The following PRR5 variants were observed in gnomAD, a reference collection of about 807,000 sequenced individuals.
PRR5 encodes the protein proline rich 5.
A neutral mutation model predicts 30.6 loss-of-function variants in PRR5; 25 were observed. The observed-to-expected ratio is 0.82, with a 90% CI of 0.60 to 1.14. PRR5 has a LOEUF of 1.14. PRR5 is among the 50% of genes most tolerant of loss of function. PRR5 has a pLI of 0.00. For synonymous variants in PRR5, 286 were observed against 247.1 expected (o/e 1.16, Z -1.48); for missense variants, 600 against 547.1 (o/e 1.10, Z -0.96).
At chr22:44,671,328 G>A (rs1384323971) in intron 1 of PRR5, among the ~76,000 whole-genome samples, 1 of 152,216 alleles carries the variant, frequency 6.6e-6, no homozygotes, top group East Asian at 1.9e-4. Flanking sequence ...GCTTCTTGGT[G>A]ACAAGACAGC....
At chr22:44,685,619 C>CAG in intron 1 of PRR5, among the ~76,000 whole-genome samples, 1 of 152,136 alleles carries the variant, frequency 6.6e-6, no homozygotes, top group Non-Finnish European at 1.5e-5. Context: ...AAGCCACACC[C>CAG]CTCTCCCCAG....
At position 44,737,298 on chromosome 22, in the gene PRR5, G is replaced by A; in HGVS notation, c.*51G>A. 16 of 1,548,288 alleles carry A rather than the reference G, an allele frequency of 1.0e-5. No individual in the cohort carries two copies. Among genetic ancestry groups the A allele is most frequent in the Non-Finnish European group, 1.4e-5 (16 of 1,144,360 alleles). On this transcript the variant is annotated 3_prime_UTR_variant, in exon 8 of 8. Transcript: ENST00000336985. The stretch of plus-strand genomic sequence containing the variant: ...TACTGACACGTCCCTGTGTGCGGGG[G>A]TGTCCATGTGGCGTGTGTGTGAGTG...
chr22:44,674,728 A>G (rs1161382530), upstream of PRR5, among the ~76,000 whole-genome samples: 8 of 150,916 alleles, frequency 5.3e-5, no homozygotes, highest in South Asian at 4.2e-4. Flanking sequence ...AAAAAAAAAG[A>G]AAAAAAAATA....
At position 44,702,523 on chromosome 22, in the gene PRR5, G is replaced by A. The variant is rs1460779160; in HGVS notation, c.49G>A (p.Asp17Asn). ...LKFMSSPSLS[D>N]LGKREPAAAA... is the part of the protein sequence containing the mutation. Reference sequence around the variant, plus strand: ...GTTCATGAGTTCGCCCAGCCTCAGTGACCTGGGCAAGAGAGAGCCGGCCGC... The same window carrying A: ...GTTCATGAGTTCGCCCAGCCTCAGTAACCTGGGCAAGAGAGAGCCGGCCGC... The change falls in exon 1 of 8, where the codon GAC (aspartate) becomes AAC (asparagine). Residue 17 changes from aspartate to asparagine, a missense_variant. Physicochemically the swap from Asp to Asn is conservative, Grantham distance 23 (BLOSUM62 1). Transcript: ENST00000336985. The A allele has an allele frequency of 8.8e-6, 13 of 1,473,218 alleles. No homozygotes were observed. The highest frequency in any genetic ancestry group is 1.1e-5 in the Non-Finnish European group (12 of 1,111,048). 91.3% of individuals were successfully genotyped at this position (1,473,218 alleles called of 1,614,324 possible).
intron 2 of PRR5, among the ~76,000 whole-genome samples, chr22:44,723,116 G>T (rs1247312745): frequency 6.6e-6 from 1 of 151,894 alleles, no homozygotes; most frequent in East Asian, 2.0e-4. Flanking sequence ...CTCCCGAGGA[G>T]CTGAGATTAT....
At chr22:44,674,733 A>G (rs1443992447), upstream of PRR5, among the ~76,000 whole-genome samples, 3 of 151,478 alleles carry the variant, frequency 2.0e-5, no homozygotes, top group South Asian at 2.1e-4. Context: ...AAAAGAAAAA[A>G]AAATAGTTCA....
At chr22:44,715,522 G>A (rs111285921) in intron 2 of PRR5, among the ~76,000 whole-genome samples, 1 of 152,156 alleles carries the variant, frequency 6.6e-6, no homozygotes, top group African/African-American at 2.4e-5. Context: ...CATGCCGCTT[G>A]TTCAGGGTGT....
In PRR5 at chr22:44,695,915, T is replaced by G. The variant is rs563857677; in HGVS notation, c.-10-6577T>G. The stretch of plus-strand genomic sequence containing the variant: ...TAAACACAAGTGATTCCATTTTGAT[T>G]CTGACAACTTTTTTTTTTTTTTTTT... On this transcript the variant is annotated intron_variant, in intron 1 of 8. Transcript: ENST00000006251. 2.8e-3 allele frequency among the ~76,000 whole-genome samples: 388 copies of G among 138,474 alleles called. 2 individuals are homozygous for G. The highest frequency in any genetic ancestry group is 9.7e-3 in the African/African-American group (366 of 37,924). The allele number at this position is 138,474 out of a possible 152,430, so 90.8% of individuals were successfully genotyped here.
chr22:44,720,784 T>C (rs6006857), intron 2 of PRR5, among the ~76,000 whole-genome samples: 41,569 of 152,048 alleles, frequency 0.27, 6,019 homozygotes, highest in South Asian at 0.4. Context: ...CAGCCAGTGA[T>C]GCCCCTCACC....
chr22:44,688,487 G>A (rs1249914095), intron 1 of PRR5, among the ~76,000 whole-genome samples: 1 of 152,200 alleles, frequency 6.6e-6, no homozygotes, highest in Non-Finnish European at 1.5e-5. Flanking sequence ...GACTGCTTAG[G>A]CTTGGAACCC....
At position 44,714,705 on chromosome 22, in the gene PRR5, T is replaced by C. The variant is rs201668286; in HGVS notation, c.215+34T>C. 804 of 1,611,946 alleles carry C rather than the reference T, an allele frequency of 5.0e-4. 1 individual carries two copies. In the African/African-American group the frequency reaches 9.3e-3, roughly 19 times the overall value. On this transcript the variant is annotated intron_variant, in intron 2 of 7. Transcript: ENST00000336985. ...CTGTCCCACCTTGGTCCAGGGTCCT[T>C]GAGTGGCAGGGAGGGCTAGGCCCAG...
At chr22:44,697,713 C>T (rs1432555382), upstream of PRR5, among the ~76,000 whole-genome samples, 4 of 152,248 alleles carry the variant, frequency 2.6e-5, no homozygotes, top group Non-Finnish European at 5.9e-5. Flanking sequence ...CTGTCTCTCT[C>T]TCCCGCCCAG....
intron 3 of PRR5, among the ~76,000 whole-genome samples, 169 bp downstream of exon 3, chr22:44,725,461 T>C (rs1920928045): frequency 6.6e-6 from 1 of 152,198 alleles, no homozygotes; most frequent in African/African-American, 2.4e-5. Context: ...TTGTGGAGGT[T>C]AAATGATAAG....
chr22:44,731,718 C>G lies in PRR5; in HGVS notation c.323-12C>G, dbSNP rs760467607. 1.2e-6 allele frequency: 2 copies of G among 1,613,578 alleles called. No homozygotes were observed. Among genetic ancestry groups the G allele is most frequent in the Middle Eastern group, 1.7e-4 (1 of 6,056 alleles). On this transcript the variant is annotated splice_polypyrimidine_tract_variant and intron_variant, in intron 4 of 7. Coordinates refer to ENST00000336985, the MANE Select transcript of PRR5 (RefSeq NM_181333.4). ...CAGTCAGGCCCAGTGGTGATGGCCC[C>G]CATGCCCACAGGACAGAAGCTGCTG...
intron 1 of PRR5, among the ~76,000 whole-genome samples, chr22:44,696,764 TCCTGC>T (rs1925789732): frequency 2.1e-5 from 3 of 143,626 alleles, no homozygotes; most frequent in African/African-American, 7.6e-5. Flanking sequence ...TGAGATGCAG[TCCTGC>T]TCTGTCGCCC....
intron 2 of PRR5, among the ~76,000 whole-genome samples, chr22:44,717,188 C>CA (rs1447626384): frequency 9.5e-6 from 1 of 105,806 alleles, no homozygotes; most frequent in Non-Finnish European, 1.9e-5. Context: ...TCCCCCTTAC[C>CA]CTTTTTTTTT....
chr22:44,695,624 G>A (rs1925676660), intron 1 of PRR5, among the ~76,000 whole-genome samples: 1 of 152,108 alleles, frequency 6.6e-6, no homozygotes. Flanking sequence ...TTGAGACAGA[G>A]TTTTGCTCCT....
intron 1 of PRR5, chr22:44,677,323 A>C (rs982187023): frequency 6.6e-6 from 1 of 152,318 alleles, no homozygotes; most frequent in South Asian, 2.1e-4. Flanking sequence ...CTCATAGCTT[A>C]GCGGCCGAGC....
chr22:44,730,035 G>C (rs1921656372), intron 4 of PRR5: 1 of 985,356 alleles, frequency 1.0e-6, no homozygotes, highest in East Asian at 1.1e-4. Flanking sequence ...CGGGTGGGCA[G>C]AGGGCTGGCC....
Sources: gnomAD v4.1 joint callset for allele counts (sites outside exome capture counted in the v4.1 genomes callset) on GRCh38, gnomAD v4.1.1 for gene constraint, MANE v1.5 for transcripts, NCBI Gene and HGNC (gene_info 2026-07-23, HGNC 2026-07-21) for gene names.